Variants in AKR1A1 observed in about 807,000 individuals in gnomAD.
The protein encoded by AKR1A1 is HEL-S-165mP.
AKR1A1 carries 26 observed loss-of-function variants against 39.2 expected under a neutral mutation model. The observed-to-expected ratio is 0.66, with a 90% CI of 0.49 to 0.92. AKR1A1 has a LOEUF of 0.92. Ranked by LOEUF, AKR1A1 falls within the 40% of genes least tolerant of loss-of-function variation. The probability of loss-of-function intolerance (pLI) is 0.00; values close to 1 mark genes in which losing one functional copy is unlikely to be tolerated. For missense variants in AKR1A1, 378 were observed against 406.5 expected, an observed-to-expected ratio of 0.93 and a Z score of 0.60; for synonymous variants, 141 against 155.5, an observed-to-expected ratio of 0.91 and a Z score of 0.69.
chr1:45,568,461 G>A (rs1644373838), intron 5 of AKR1A1, 24 bp from the exon 6 acceptor site: 1 of 1,612,918 alleles, frequency 6.2e-7, no homozygotes, highest in Non-Finnish European at 8.5e-7. Flanking sequence ...CCACTTCATG[G>A]TGATGGGTTA....
chr1:45,557,115 A>AGT (rs1644215521), intron 1 of AKR1A1, among the ~76,000 whole-genome samples: 1 of 149,326 alleles, frequency 6.7e-6, no homozygotes, highest in Non-Finnish European at 1.5e-5. Context: ...GCTTGAACCC[A>AGT]GGAGGTGGAG....
chr1:45,568,789 G>A, intron 6 of AKR1A1, 105 bp downstream of exon 6: 4 of 1,537,936 alleles, frequency 2.6e-6, no homozygotes, highest in Non-Finnish European at 2.7e-6. Flanking sequence ...TTGTGATCTG[G>A]AGGGAGGCCA....
At chr1:45,564,545 T>A (rs1644315376) in intron 2 of AKR1A1, among the ~76,000 whole-genome samples, 1 of 152,146 alleles carries the variant, frequency 6.6e-6, no homozygotes, top group South Asian at 2.1e-4. Context: ...CTTATCTGCC[T>A]CCAGCTTTCA....
chr1:45,552,354 A>G (rs150309230), intron 1 of AKR1A1: 1 of 151,896 alleles, frequency 6.6e-6, no homozygotes. Context: ...TAAAATAAAA[A>G]AAAAAAAATT....
chr1:45,560,487 G>A (rs561518949), intron 1 of AKR1A1, among the ~76,000 whole-genome samples: 18 of 152,280 alleles, frequency 1.2e-4, no homozygotes, highest in African/African-American at 4.1e-4. Context: ...GCACAGGCCT[G>A]TAGTCCCAGC....
intron 2 of AKR1A1, among the ~76,000 whole-genome samples, chr1:45,562,391 G>C (rs189486641): frequency 6.7e-6 from 1 of 149,774 alleles, no homozygotes; most frequent in Admixed American, 6.7e-5. Flanking sequence ...GCCCAGGCTG[G>C]AGTGCAGTGG....
chr1:45,555,020 T>G (rs1644182914), intron 1 of AKR1A1, among the ~76,000 whole-genome samples: 1 of 151,960 alleles, frequency 6.6e-6, no homozygotes, highest in Non-Finnish European at 1.5e-5. Flanking sequence ...CCCAAATGGA[T>G]TATACTATCA....
intron 1 of AKR1A1, among the ~76,000 whole-genome samples, chr1:45,556,535 C>G (rs952502296): frequency 2.0e-5 from 3 of 148,282 alleles, no homozygotes; most frequent in African/African-American, 5.0e-5. Context: ...GAGCCAAGAT[C>G]GTGCCACTGT....
In AKR1A1 at chr1:45,569,330, A is replaced by G. The variant is rs139177791; in HGVS notation, c.912+101A>G. 111 of 957,818 alleles carry G rather than the reference A, an allele frequency of 1.2e-4. 1 individual carries two copies. Among genetic ancestry groups the G allele is most frequent in the South Asian group, 9.3e-4 (68 of 73,238 alleles). 59.3% of individuals were successfully genotyped at this position (957,818 alleles called of 1,614,324 possible). A position where few individuals can be genotyped will look rare whatever the true frequency, so the allele number is the denominator to read the frequency against. ...GCTTGCTGGTTGTGAGAAGGACACA[A>G]TGTTGTGGGTGGGATTGCTATGCTG... On this transcript the variant is annotated intron_variant, in intron 8 of 8. Transcript: ENST00000351829.
intron 2 of AKR1A1, among the ~76,000 whole-genome samples, 154 bp from the exon 3 acceptor site, chr1:45,566,415 A>C (rs1379410580): frequency 6.6e-6 from 1 of 152,206 alleles, no homozygotes; most frequent in Non-Finnish European, 1.5e-5. Flanking sequence ...GGCGTGAGCC[A>C]CCGCGCCCAG....
At position 45,566,617 on chromosome 1, in the gene AKR1A1, G is replaced by A. The variant is rs569851054; in HGVS notation, c.133G>A (p.Asp45Asn). ...YALSVGYRHI[D>N]CAAIYGNEPE... ...CCTTAGCGTAGGCTACCGCCACATT[G>A]ATTGTGCTGCTATCTACGGCAATGA... Residue 45 changes from aspartate (D) to asparagine (N), a missense_variant, in exon 3 of 9, where the codon GAT (aspartate) becomes AAT (asparagine). By Grantham distance (23) the Asp-to-Asn change is conservative. Coordinates refer to ENST00000351829, the MANE Select transcript of AKR1A1 (RefSeq NM_153326.3). 3.1e-6 allele frequency: 5 copies of A among 1,614,256 alleles called. No individual in the cohort carries two copies. In the East Asian group the frequency reaches 8.9e-5, roughly 29 times the overall value.
Position 45,568,677 on chromosome 1 carries a change from T to C in AKR1A1, c.745T>C (p.Leu249=), listed in dbSNP as rs1644377777. 2 of 1,613,382 alleles carry C rather than the reference T, an allele frequency of 1.2e-6. No individual in the cohort carries two copies. Among genetic ancestry groups the C allele is most frequent in the Admixed American group, 3.3e-5 (2 of 59,990 alleles). Residue 249 remains leucine (L), a synonymous_variant, in exon 6 of 9, where the codon TTG becomes CTG. Coordinates refer to ENST00000351829, the MANE Select transcript of AKR1A1 (RefSeq NM_153326.3). The stretch of plus-strand genomic sequence containing the variant: ...GTATGGCCGATCTCCAGCTCAGATC[T>C]TGCTCAGGTATGGGGCAGTCTTAGG... The part of the protein sequence containing the change: ...EKYGRSPAQI[L]LRWQVQRKVI...
At chr1:45,566,169 C>T (rs978276338) in intron 2 of AKR1A1, among the ~76,000 whole-genome samples, 1 of 151,990 alleles carries the variant, frequency 6.6e-6, no homozygotes, top group Non-Finnish European at 1.5e-5. Context: ...AGTGCAGTGG[C>T]ACAATCTCAG....
Position 45,566,556 on chromosome 1 carries a change from T to G in AKR1A1, c.85-13T>G, listed in dbSNP as rs1013742135. ...CCAACATAGCTGAAACCTCTGCTTC[T>G]CTCACCTGGCAGGTAAAAGCAGCTG... is the stretch of plus-strand genomic sequence containing the variant. On this transcript the variant is annotated splice_polypyrimidine_tract_variant and intron_variant, in intron 2 of 8. Transcript: ENST00000351829. 8.1e-6 allele frequency: 13 copies of G among 1,613,910 alleles called. No individual in the cohort carries two copies. The highest frequency in any genetic ancestry group is 5.0e-5 in the Admixed American group (3 of 59,994).
chr1:45,552,165 A>G (rs918638895), intron 1 of AKR1A1, among the ~76,000 whole-genome samples: 3 of 151,772 alleles, frequency 2.0e-5, no homozygotes, highest in South Asian at 2.1e-4. Context: ...GTAGCCATCC[A>G]TTTATTTATT....
At chr1:45,561,401 C>CCACCCCTTCCT (rs61147066) in intron 1 of AKR1A1, among the ~76,000 whole-genome samples, 79,260 of 151,460 alleles carry the variant, frequency 0.52, 21,041 homozygotes, top group East Asian at 0.62. Context: ...CCCCTCTTCC[C>CCACCCCTTCCT]GGCCCATGCT....
chr1:45,553,954 CA>C (rs754885544), intron 1 of AKR1A1, among the ~76,000 whole-genome samples: 1 of 150,696 alleles, frequency 6.6e-6, no homozygotes, highest in Non-Finnish European at 1.5e-5. Flanking sequence ...GAGATCACGC[CA>C]CTGCCCTCCA....
chr1:45,562,492 C>G (rs1644290773), intron 2 of AKR1A1, among the ~76,000 whole-genome samples: 1 of 149,376 alleles, frequency 6.7e-6, no homozygotes, highest in African/African-American at 2.5e-5. Flanking sequence ...CAGGCACACA[C>G]TAACACACGG....
In AKR1A1 at chr1:45,555,855, C is replaced by A. The variant is rs117951485; in HGVS notation, c.-7+4700C>A. On this transcript the variant is annotated intron_variant, in intron 1 of 8. Transcript: ENST00000351829. ...ACTCTACTGCTGGATTTGATGAGTA[C>A]AGTTTTGGACATGGCGAATCTCAGA... Among the ~76,000 whole-genome samples the A allele has an allele frequency of 3.3e-3, 508 of 152,246 alleles. 9 individuals are homozygous for A. The highest frequency in any genetic ancestry group is 0.033 in the South Asian group (159 of 4,822).
Sources: gnomAD v4.1 joint callset for allele counts (sites outside exome capture counted in the v4.1 genomes callset) on GRCh38, gnomAD v4.1.1 for gene constraint, MANE v1.5 for transcripts, NCBI Gene and HGNC (gene_info 2026-07-23, HGNC 2026-07-21) for gene names.